The following DENND1B variants were observed in gnomAD, a reference collection of about 807,000 sequenced individuals.
The protein encoded by DENND1B is DENN domain-containing protein 1B.
A neutral mutation model predicts 90.1 loss-of-function variants in DENND1B; 59 were observed. That is an observed-to-expected ratio of 0.65 (90% CI 0.53 to 0.81). The LOEUF (loss-of-function observed/expected upper bound fraction) is 0.81, where lower values mean the gene tolerates loss of function less well. Among genes scored for constraint, DENND1B ranks in the 40% least tolerant of loss-of-function variants. The pLI is 0.00. For missense variants in DENND1B, 862 were observed against 912.6 expected (o/e 0.94, Z 0.71); for synonymous variants, 337 against 324.6 (o/e 1.04, Z -0.41).
At chr1:197,700,445 C>T (rs1175913814) in intron 3 of DENND1B, among the ~76,000 whole-genome samples, 1 of 152,084 alleles carries the variant, frequency 6.6e-6, no homozygotes, top group Admixed American at 6.6e-5. Flanking sequence ...TGCCTTACAC[C>T]TTATACAAAA....
chr1:197,625,746 CA>C, intron 10 of DENND1B, among the ~76,000 whole-genome samples: 1 of 152,098 alleles, frequency 6.6e-6, no homozygotes, highest in Non-Finnish European at 1.5e-5. Context: ...CAAGACCCAT[CA>C]GTGTGCTGTA....
At chr1:197,531,775 A>T (rs1571766129) in intron 20 of DENND1B, among the ~76,000 whole-genome samples, 1 of 8,988 alleles carries the variant, frequency 1.1e-4, no homozygotes, top group African/African-American at 1.2e-4. Flanking sequence ...ATATGAACTC[A>T]TCATTTTTTA....
rs185757583 is a variant in DENND1B at position 197,680,017 on chromosome 1, G to T, written c.127-5848C>A. 1.0e-3 allele frequency among the ~76,000 whole-genome samples: 154 copies of T among 152,014 alleles called. 1 individual carries two copies. The Middle Eastern group carries it at 0.021, about 20-fold the overall frequency. ...ATATAAAAATTAGCCAGGCATGGTG[G>T]CATGCACCTATAGTCCCAGCTGCTC... On this transcript the variant is annotated intron_variant, in intron 3 of 22. Transcript: ENST00000620048.
chr1:197,707,303 T>A (rs1659644145), intron 3 of DENND1B, among the ~76,000 whole-genome samples: 1 of 152,012 alleles, frequency 6.6e-6, no homozygotes, highest in Non-Finnish European at 1.5e-5. Context: ...AGTTAATGGA[T>A]CCAAAATGAC....
At chr1:197,684,556 G>T (rs1048264294) in intron 3 of DENND1B, among the ~76,000 whole-genome samples, 1 of 152,068 alleles carries the variant, frequency 6.6e-6, no homozygotes, top group Non-Finnish European at 1.5e-5. Flanking sequence ...ATAAAGGGAT[G>T]GGGTATGAAA....
intron 11 of DENND1B, among the ~76,000 whole-genome samples, chr1:197,616,830 AT>A (rs1194378655): frequency 1.5e-4 from 22 of 151,170 alleles, no homozygotes; most frequent in Non-Finnish European, 1.6e-4. Flanking sequence ...TGTGTGCACA[AT>A]GATTTAGAGG....
At chr1:197,773,164 G>A (rs1404850479) in intron 1 of DENND1B, 5 of 518,210 alleles carry the variant, frequency 9.6e-6, no homozygotes, top group African/African-American at 9.6e-5. Context: ...CGCTGAGACT[G>A]TTCTCCCTTA....
At chr1:197,675,135 T>C (rs557590145) in intron 3 of DENND1B, among the ~76,000 whole-genome samples, 2 of 152,144 alleles carry the variant, frequency 1.3e-5, no homozygotes, top group Non-Finnish European at 1.5e-5. Context: ...TATAAGGATG[T>C]TTCCCATTAA....
At chr1:197,552,717 C>G (rs949135176) in intron 16 of DENND1B, 8 of 1,136,740 alleles carry the variant, frequency 7.0e-6, no homozygotes, top group Non-Finnish European at 8.6e-6. Flanking sequence ...TACTACTATT[C>G]AGAAGGAAAG....
intron 3 of DENND1B, among the ~76,000 whole-genome samples, chr1:197,686,018 T>C (rs1657199379): frequency 6.6e-6 from 1 of 152,108 alleles, no homozygotes; most frequent in Admixed American, 6.6e-5. Flanking sequence ...CCAGTTGTTT[T>C]TACATAACAG....
upstream of DENND1B, among the ~76,000 whole-genome samples, chr1:197,779,623 ATTCT>A (rs1412853362): frequency 6.6e-6 from 1 of 151,886 alleles, no homozygotes; most frequent in Admixed American, 6.5e-5. Flanking sequence ...CTGTTCACTA[ATTCT>A]TTCTTCAGCT....
At chr1:197,511,646 A>G (rs898906523) in intron 22 of DENND1B, 82 bp downstream of exon 22, 1 of 1,110,716 alleles carries the variant, frequency 9.0e-7, no homozygotes, top group Non-Finnish European at 1.2e-6. Context: ...GCTTCTACCA[A>G]CAAAGAGTAT....
At chr1:197,525,146 TG>T (rs1669053052) in intron 20 of DENND1B, among the ~76,000 whole-genome samples, 1 of 152,168 alleles carries the variant, frequency 6.6e-6, no homozygotes, top group African/African-American at 2.4e-5. Context: ...TGTGTTTATA[TG>T]TAGTATGGTT....
chr1:197,511,089 C>T, intron 22 of DENND1B, 117 bp from the exon 23 acceptor site: 1 of 1,058,182 alleles, frequency 9.5e-7, no homozygotes, highest in Non-Finnish European at 1.3e-6. Context: ...GAAAATACAG[C>T]ATTGAGAGTC....
intron 2 of DENND1B, among the ~76,000 whole-genome samples, chr1:197,718,055 T>C (rs779721254): frequency 2.6e-5 from 4 of 151,990 alleles, no homozygotes; most frequent in Non-Finnish European, 5.9e-5. Context: ...TATGAAGAAA[T>C]TGAGGTCAAA....
chr1:197,682,848 G>A (rs901960919), intron 3 of DENND1B, among the ~76,000 whole-genome samples: 3 of 152,184 alleles, frequency 2.0e-5, no homozygotes, highest in Non-Finnish European at 4.4e-5. Flanking sequence ...ATAACCAGGG[G>A]ACTGATTATA....
chr1:197,655,534 T>A (rs1037915650), intron 6 of DENND1B, among the ~76,000 whole-genome samples: 100 of 147,668 alleles, frequency 6.8e-4, no homozygotes, highest in Non-Finnish European at 9.6e-4. Context: ...TACATTAACT[T>A]TTTTTTTTTT....
rs752905850 is a variant in DENND1B, at chr1:197,512,966, A to G, written c.1516-13T>C. 1.2e-5 allele frequency: 20 copies of G among 1,600,214 alleles called. No homozygotes were observed. The South Asian group carries it at 2.0e-4, about 16-fold the overall frequency. On this transcript the variant is annotated splice_polypyrimidine_tract_variant and intron_variant, in intron 20 of 22. Transcript: ENST00000620048. ...TTTTTAAGCGTGCCTGGAGAGAGAG[A>G]TTGACAATAAATTGGCATTAGCAGT...
rs1257948608 is a variant in DENND1B, at chr1:197,772,891, T to C, written c.59A>G (p.Lys20Arg). ...DRTFDLVLKVKCHASENEDPV... is the reference protein window; with the variant it reads ...DRTFDLVLKVRCHASENEDPV... ...ACCTTCATTTTCAGAGGCATGACAT[T>C]TCACTTTCAACACCAAGTCAAAGGT... The change falls in exon 2 of 23, where the codon AAA becomes AGA. Residue 20 changes from lysine to arginine, a missense_variant. Transcript: ENST00000620048. The C allele has an allele frequency of 9.7e-6, 15 of 1,551,866 alleles. No individual in the cohort carries two copies. The highest frequency in any genetic ancestry group is 1.3e-5 in the Non-Finnish European group (15 of 1,147,020).
Sources: allele counts gnomAD v4.1 joint callset (sites outside exome capture counted in the v4.1 genomes callset), GRCh38; gene constraint gnomAD v4.1.1; transcripts MANE v1.5; gene names NCBI Gene and HGNC (gene_info 2026-07-23, HGNC 2026-07-21).